DLGAP1: variants seen among roughly 807,000 people sequenced by gnomAD.
The protein encoded by DLGAP1 is DLG associated protein 1, also known as disks large-associated protein 1.
A neutral mutation model predicts 90.8 loss-of-function variants in DLGAP1; 11 were observed. The observed-to-expected ratio is 0.12, with a 90% CI of 0.08 to 0.20. DLGAP1 has a LOEUF of 0.20. DLGAP1 is among the 10% of genes least tolerant of loss of function. DLGAP1 has a pLI of 1.00. For synonymous variants in DLGAP1, 558 were observed against 540.7 expected, an observed-to-expected ratio of 1.03 and a Z score of -0.44; for missense variants, 1,050 against 1,333.8, an observed-to-expected ratio of 0.79 and a Z score of 3.31.
intron 1 of DLGAP1, among the ~76,000 whole-genome samples, chr18:4,305,534 C>CA (rs562977821): frequency 0.24 from 17,154 of 72,588 alleles, 1,382 homozygotes; most frequent in African/African-American, 0.31. Context: ...AACTCCGTCT[C>CA]AAAAAAAAAA....
intron 1 of DLGAP1, among the ~76,000 whole-genome samples, chr18:4,370,520 T>C (rs760206895): frequency 2.0e-5 from 3 of 152,208 alleles, no homozygotes; most frequent in Non-Finnish European, 4.4e-5. Context: ...GTCCTCAGTC[T>C]GTTTATCTAC....
rs531450245 is a variant in DLGAP1 at position 4,383,127 on chromosome 18, C to T, written c.-267+71879G>A. On this transcript the variant is annotated intron_variant, in intron 1 of 12. Coordinates refer to ENST00000315677, the MANE Select transcript of DLGAP1 (RefSeq NM_004746.4). The surrounding 1 kb of genome is among the most constrained non-coding windows in gnomAD (Gnocchi z 4.0). ...GAATCAGAGGTTAATTACCTTCACT[C>T]CTTTTTACAAAAGCTAAATGTCCTA... is the stretch of plus-strand genomic sequence containing the variant. Among the ~76,000 whole-genome samples the T allele has an allele frequency of 4.7e-4, 71 of 152,280 alleles. No homozygotes were observed. The highest frequency in any genetic ancestry group is 1.2e-3 in the African/African-American group (50 of 41,550).
intron 2 of DLGAP1, among the ~76,000 whole-genome samples, chr18:4,054,891 C>CCTTTTTAT (rs1160696050): frequency 1.3e-5 from 2 of 152,074 alleles, no homozygotes; most frequent in African/African-American, 4.8e-5. Flanking sequence ...GAGAAAATTC[C>CCTTTTTAT]CTTTTTATAT....
chr18:3,654,162 G>C (rs1239276146), intron 7 of DLGAP1, among the ~76,000 whole-genome samples: 1 of 152,118 alleles, frequency 6.6e-6, no homozygotes, highest in Non-Finnish European at 1.5e-5. Flanking sequence ...CAGTCGCAGT[G>C]GGCCTGACTT....
chr18:3,956,920 G>A (rs938068330), intron 3 of DLGAP1, among the ~76,000 whole-genome samples: 7 of 152,224 alleles, frequency 4.6e-5, no homozygotes, highest in African/African-American at 9.6e-5. Context: ...CCAAAGTGCC[G>A]GGATTACAGG....
At chr18:4,141,123 C>T (rs373011751) in intron 2 of DLGAP1, among the ~76,000 whole-genome samples, 13 of 152,092 alleles carry the variant, frequency 8.5e-5, no homozygotes, top group African/African-American at 2.4e-4. Context: ...AATAAACTTT[C>T]GACCTTGATT....
At position 3,834,535 on chromosome 18, in the gene DLGAP1, G is replaced by A. The variant is rs111820927; in HGVS notation, c.958-20262C>T. On this transcript the variant is annotated intron_variant, in intron 4 of 12. Coordinates refer to ENST00000315677, the MANE Select transcript of DLGAP1 (RefSeq NM_004746.4). ...TGTCTGGAAGTGAGCTTGGCACACAGTAGATGAGCATTAAACATTTGCCAA... is the reference window on the plus strand; with the variant it reads ...TGTCTGGAAGTGAGCTTGGCACACAATAGATGAGCATTAAACATTTGCCAA... Among the ~76,000 whole-genome samples the A allele has an allele frequency of 2.4e-3, 368 of 152,278 alleles. 4 individuals carry two copies. The highest frequency in any genetic ancestry group is 7.9e-3 in the African/African-American group (327 of 41,564).
At chr18:3,559,290 G>C (rs1332733388) in intron 9 of DLGAP1, among the ~76,000 whole-genome samples, 2 of 152,124 alleles carry the variant, frequency 1.3e-5, no homozygotes, top group Non-Finnish European at 2.9e-5. Flanking sequence ...AGTCATATTT[G>C]CTTCGGCCTC....
At chr18:3,987,680 T>A (rs144287512) in intron 3 of DLGAP1, among the ~76,000 whole-genome samples, 53 of 152,356 alleles carry the variant, frequency 3.5e-4, no homozygotes, top group Non-Finnish European at 6.3e-4. Flanking sequence ...TATTCAAAGC[T>A]AACATTCCTA....
At chr18:4,125,896 C>T (rs561390364) in intron 2 of DLGAP1, among the ~76,000 whole-genome samples, 1 of 152,250 alleles carries the variant, frequency 6.6e-6, no homozygotes, top group South Asian at 2.1e-4. Flanking sequence ...ACGAACATTT[C>T]CAGGGCCAGA....
intron 6 of DLGAP1, among the ~76,000 whole-genome samples, chr18:3,739,330 T>C (rs1403066424): frequency 1.1e-4 from 16 of 149,366 alleles, no homozygotes; most frequent in South Asian, 6.5e-4. Flanking sequence ...TGCACACGTA[T>C]GTTTATTGTG....
chr18:4,451,745 C>T (rs1165631581), intron 1 of DLGAP1, among the ~76,000 whole-genome samples: 1 of 152,092 alleles, frequency 6.6e-6, no homozygotes, highest in Admixed American at 6.5e-5. Context: ...AATAAAACAG[C>T]TCAAGATATG....
intron 1 of DLGAP1, among the ~76,000 whole-genome samples, chr18:4,285,390 T>C (rs905886058): frequency 2.6e-5 from 4 of 151,694 alleles, no homozygotes; most frequent in African/African-American, 9.7e-5. Context: ...GGGCAGAAAA[T>C]GGAGCTGAAA....
intron 5 of DLGAP1, among the ~76,000 whole-genome samples, chr18:3,790,677 A>T (rs1057070269): frequency 5.3e-5 from 8 of 152,186 alleles, no homozygotes; most frequent in Non-Finnish European, 1.2e-4. Context: ...TAACTCAAGG[A>T]AGAGTATTTG....
chr18:4,340,994 T>C lies in DLGAP1; in HGVS notation c.-267+114012A>G, dbSNP rs1052381870. On this transcript the variant is annotated intron_variant, in intron 1 of 12. Coordinates refer to ENST00000315677, the MANE Select transcript of DLGAP1 (RefSeq NM_004746.4). ...TTGCAATTATGTCATAGAAAGAAACTTAAATAAGAGATTACATATGAAATA... is the reference window on the plus strand; with the variant it reads ...TTGCAATTATGTCATAGAAAGAAACCTAAATAAGAGATTACATATGAAATA... 2.0e-5 allele frequency among the ~76,000 whole-genome samples: 3 copies of C among 152,106 alleles called. No homozygotes were observed. In the East Asian group the frequency reaches 5.8e-4, roughly 29 times the overall value.
At chr18:4,432,894 T>C (rs1358503296) in intron 1 of DLGAP1, among the ~76,000 whole-genome samples, 2 of 152,204 alleles carry the variant, frequency 1.3e-5, no homozygotes, top group African/African-American at 2.4e-5. Flanking sequence ...CTCGAGAAGT[T>C]ACTTAAGTGT....
At chr18:3,574,295 TTGAG>T (rs963121518) in intron 8 of DLGAP1, among the ~76,000 whole-genome samples, 3 of 152,342 alleles carry the variant, frequency 2.0e-5, no homozygotes, top group African/African-American at 7.2e-5. Flanking sequence ...GCTTTGTAAA[TTGAG>T]TGTTTACTTT....
At position 4,089,846 on chromosome 18, in the gene DLGAP1, C is replaced by T. The variant is rs958733833; in HGVS notation, c.-159+61334G>A. ...GGATCACGAGGTCAGGAGATCGAGA[C>T]CATCCTGGCTAACACGGTGAAACCC... On this transcript the variant is annotated intron_variant, in intron 2 of 12. Transcript: ENST00000315677. Among the ~76,000 whole-genome samples the T allele has an allele frequency of 1.3e-4, 20 of 152,134 alleles. 1 individual carries two copies. The highest frequency in any genetic ancestry group is 2.5e-4 in the Non-Finnish European group (17 of 68,032).
intron 9 of DLGAP1, among the ~76,000 whole-genome samples, chr18:3,550,506 G>A (rs1477149901): frequency 4.6e-5 from 7 of 152,174 alleles, no homozygotes; most frequent in African/African-American, 1.4e-4. Flanking sequence ...GATTACAGGT[G>A]TGAACCACTG....
Sources: allele counts gnomAD v4.1 joint callset (sites outside exome capture counted in the v4.1 genomes callset), GRCh38; gene constraint gnomAD v4.1.1; non-coding constraint Gnocchi (gnomAD v3.1); transcripts MANE v1.5; gene names NCBI Gene and HGNC (gene_info 2026-07-23, HGNC 2026-07-21).